CACNB4: variants seen among roughly 807,000 people sequenced by gnomAD.
CACNB4 encodes calcium voltage-gated channel auxiliary subunit beta 4, also known as voltage-dependent L-type calcium channel subunit beta-4.
CACNB4 carries 32 observed loss-of-function variants against 71.2 expected under a neutral mutation model. The ratio of observed to expected loss-of-function variants is 0.45; its 90% confidence interval spans 0.34 to 0.60. CACNB4 has a LOEUF of 0.60. CACNB4 is among the 20% of genes least tolerant of loss of function. The probability of loss-of-function intolerance (pLI) is 0.01; values close to 1 mark genes in which losing one functional copy is unlikely to be tolerated. For synonymous variants in CACNB4, 231 were observed against 236.9 expected (o/e 0.97, Z 0.23); for missense variants, 464 against 647.9 (o/e 0.72, Z 3.08).
intron 2 of CACNB4, among the ~76,000 whole-genome samples, chr2:152,076,141 T>TC (rs1490430017): frequency 3.1e-5 from 4 of 129,082 alleles, no homozygotes; most frequent in Non-Finnish European, 5.1e-5. Context: ...CTTTTCTTTT[T>TC]TTTTTTTTTT....
rs1003687541 is a variant in CACNB4, at chr2:151,833,255, T to C, written c.*5864A>G. 3 of 152,192 alleles carry C rather than the reference T, an allele frequency of 2.0e-5. No homozygotes were observed. Among genetic ancestry groups the C allele is most frequent in the African/African-American group, 7.2e-5 (3 of 41,462 alleles). 9.4% of individuals were successfully genotyped at this position (152,192 alleles called of 1,614,324 possible). Reference sequence around the variant, plus strand: ...TTAGTATGTTTTATGTTAATACATTTATTTTTTATTCCTTCCCACCATCCC... The same window carrying C: ...TTAGTATGTTTTATGTTAATACATTCATTTTTTATTCCTTCCCACCATCCC... On this transcript the variant is annotated 3_prime_UTR_variant, in exon 14 of 14. Coordinates refer to ENST00000539935, the MANE Select transcript of CACNB4 (RefSeq NM_000726.5).
intron 2 of CACNB4, among the ~76,000 whole-genome samples, chr2:152,021,358 C>T (rs958995085): frequency 1.3e-5 from 2 of 152,018 alleles, no homozygotes; most frequent in African/African-American, 4.8e-5. Flanking sequence ...AGAATGATTT[C>T]AAATTTAAAA....
chr2:152,081,736 G>A (rs189745738), intron 2 of CACNB4, among the ~76,000 whole-genome samples: 35 of 152,138 alleles, frequency 2.3e-4, no homozygotes, highest in Admixed American at 2.0e-3. Context: ...TTAGTGCTTC[G>A]ACATATGATT....
intron 2 of CACNB4, among the ~76,000 whole-genome samples, chr2:152,075,639 G>T (rs1319663441): frequency 1.3e-5 from 2 of 152,152 alleles, no homozygotes; most frequent in Non-Finnish European, 2.9e-5. Flanking sequence ...CCTCAGGTCT[G>T]GTCAGCTGAG....
chr2:151,988,462 T>C (rs1446309524), intron 2 of CACNB4, among the ~76,000 whole-genome samples: 1 of 152,120 alleles, frequency 6.6e-6, no homozygotes, highest in Non-Finnish European at 1.5e-5. Context: ...TATAATAAAA[T>C]CATGCAGTGC....
At chr2:152,006,606 G>A (rs1461445254) in intron 2 of CACNB4, among the ~76,000 whole-genome samples, 1 of 151,992 alleles carries the variant, frequency 6.6e-6, no homozygotes. Flanking sequence ...ATGGTGGCCA[G>A]GCGGGTTTCA....
chr2:152,035,441 TC>T (rs1684500335), intron 2 of CACNB4, among the ~76,000 whole-genome samples: 1 of 152,104 alleles, frequency 6.6e-6, no homozygotes, highest in African/African-American at 2.4e-5. Flanking sequence ...ATGCCTGTAA[TC>T]CCAACTACTC....
At chr2:152,039,008 G>A (rs753829123) in intron 2 of CACNB4, among the ~76,000 whole-genome samples, 3 of 152,302 alleles carry the variant, frequency 2.0e-5, no homozygotes, top group Non-Finnish European at 4.4e-5. Flanking sequence ...TGCTTGCTTA[G>A]TTAATATAGG....
intron 4 of CACNB4, among the ~76,000 whole-genome samples, chr2:151,878,550 T>TACACACACACACAC (rs60040188): frequency 0.17 from 21,837 of 129,620 alleles, 2,053 homozygotes; most frequent in Middle Eastern, 0.22. Context: ...AGACCCTGTC[T>TACACACACACACAC]ACACACACAC....
At chr2:151,850,818 T>G (rs2099838879) in intron 12 of CACNB4, 1 of 152,242 alleles carries the variant, frequency 6.6e-6, no homozygotes, top group Non-Finnish European at 1.5e-5. Context: ...ATTTTTGGTA[T>G]CAGGATTATT....
At chr2:152,083,669 CAAT>C (rs1047179061) in intron 2 of CACNB4, among the ~76,000 whole-genome samples, 2 of 152,198 alleles carry the variant, frequency 1.3e-5, no homozygotes, top group Non-Finnish European at 2.9e-5. Context: ...TTGCATGAGT[CAAT>C]AATTCCATAT....
At chr2:152,043,064 T>C (rs567811346) in intron 2 of CACNB4, among the ~76,000 whole-genome samples, 108 of 152,190 alleles carry the variant, frequency 7.1e-4, no homozygotes, top group African/African-American at 2.3e-3. Flanking sequence ...CTGTATGGTC[T>C]AAAAAAAGGA....
chr2:151,972,075 A>AG (rs960493597), intron 2 of CACNB4: 2 of 154,718 alleles, frequency 1.3e-5, no homozygotes, highest in African/African-American at 4.8e-5. Context: ...AAGGCAAAAA[A>AG]AAAAAAAAAA....
chr2:151,964,305 C>T (rs1406560081), intron 2 of CACNB4, among the ~76,000 whole-genome samples: 1 of 152,064 alleles, frequency 6.6e-6, no homozygotes, highest in Non-Finnish European at 1.5e-5. Flanking sequence ...ATCTTATGTG[C>T]ATTTTTAAAG....
chr2:151,913,625 G>A (rs530896850), intron 2 of CACNB4, among the ~76,000 whole-genome samples: 11 of 152,040 alleles, frequency 7.2e-5, no homozygotes, highest in South Asian at 4.2e-4. Context: ...AAATCGCCAG[G>A]GGTGGTGATG....
At chr2:151,889,084 T>C (rs2099850096) in intron 2 of CACNB4, among the ~76,000 whole-genome samples, 1 of 152,352 alleles carries the variant, frequency 6.6e-6, no homozygotes, top group East Asian at 1.9e-4. Context: ...GGCTACCATA[T>C]TGGGCTGTGC....
At chr2:151,981,497 C>T (rs1308916915) in intron 2 of CACNB4, among the ~76,000 whole-genome samples, 1 of 152,064 alleles carries the variant, frequency 6.6e-6, no homozygotes, top group African/African-American at 2.4e-5. Flanking sequence ...AGCGGAACTC[C>T]TGTCGGTGGT....
rs13028550 is a variant in CACNB4, at chr2:152,012,966, G to A, written c.147+85364C>T. 8.1e-3 allele frequency among the ~76,000 whole-genome samples: 1,236 copies of A among 152,280 alleles called. 15 individuals are homozygous for A. Among genetic ancestry groups the A allele is most frequent in the Middle Eastern group, 0.014 (4 of 294 alleles). On this transcript the variant is annotated intron_variant, in intron 2 of 13. Coordinates refer to ENST00000539935, the MANE Select transcript of CACNB4 (RefSeq NM_000726.5). ...TTTGCAATAAGTGCCCTAGACAAGT[G>A]TACCATTTTAATCTCTTACACCATA...
intron 2 of CACNB4, among the ~76,000 whole-genome samples, chr2:151,932,354 T>G (rs1316463068): frequency 6.6e-6 from 1 of 152,122 alleles, no homozygotes; most frequent in African/African-American, 2.4e-5. Flanking sequence ...AGATGAAACA[T>G]GACCCATAAA....
Sources: gnomAD v4.1 joint callset for allele counts (sites outside exome capture counted in the v4.1 genomes callset) on GRCh38, gnomAD v4.1.1 for gene constraint, MANE v1.5 for transcripts, NCBI Gene and HGNC (gene_info 2026-07-23, HGNC 2026-07-21) for gene names.